AFF3: variants seen among roughly 807,000 people sequenced by gnomAD.
AFF3 encodes ALF transcription elongation factor 3, also known as AF4/FMR2 family member 3.
A neutral mutation model predicts 129.7 loss-of-function variants in AFF3; 32 were observed. The observed-to-expected ratio is 0.25, with a 90% confidence interval of 0.19 to 0.33. The LOEUF (loss-of-function observed/expected upper bound fraction) is 0.33. Among genes scored for constraint, AFF3 ranks in the 10% least tolerant of loss-of-function variants. The probability of loss-of-function intolerance (pLI) is 1.00; values close to 1 mark genes in which losing one functional copy is unlikely to be tolerated. For synonymous variants in AFF3, 644 were observed against 635.4 expected (o/e 1.01, Z -0.20); for missense variants, 1,373 against 1,592.0 (o/e 0.86, Z 2.34).
intron 4 of AFF3, among the ~76,000 whole-genome samples, chr2:100,047,023 T>C (rs1209578231): frequency 2.0e-5 from 3 of 151,954 alleles, no homozygotes; most frequent in East Asian, 1.9e-4. Flanking sequence ...AAAATACAGA[T>C]CTACACTTTC....
chr2:99,608,876 GA>G (rs1298212063), intron 13 of AFF3, among the ~76,000 whole-genome samples: 4 of 152,162 alleles, frequency 2.6e-5, no homozygotes, highest in African/African-American at 9.7e-5. Flanking sequence ...ATTTGGTAAA[GA>G]AAACACACGT....
At chr2:100,126,602 G>C (rs1692203187) in intron 2 of AFF3, among the ~76,000 whole-genome samples, 1 of 152,144 alleles carries the variant, frequency 6.6e-6, no homozygotes, top group African/African-American at 2.4e-5. Context: ...CTTACTCCCA[G>C]GATGTTGGTT....
chr2:99,968,174 G>C lies in AFF3; in HGVS notation c.873+38458C>G, dbSNP rs116757933. Among the ~76,000 whole-genome samples, 71 of 152,262 alleles carry C rather than the reference G, an allele frequency of 4.7e-4. 1 individual carries two copies. The highest frequency in any genetic ancestry group is 1.6e-3 in the African/African-American group (67 of 41,554). ...AGCTCCCCTCAGTAAGAATGAACTA[G>C]TCCCTCCTCTATGCCTACATGACCT... On this transcript the variant is annotated intron_variant, in intron 7 of 24. Transcript: ENST00000672756.
At chr2:99,641,663 G>A (rs1042477150) in intron 13 of AFF3, among the ~76,000 whole-genome samples, 4 of 152,180 alleles carry the variant, frequency 2.6e-5, no homozygotes, top group Non-Finnish European at 5.9e-5. Flanking sequence ...GGGCAACAGA[G>A]CAAGACTCTG....
intron 12 of AFF3, among the ~76,000 whole-genome samples, chr2:99,650,558 T>A (rs1685141191): frequency 1.3e-5 from 2 of 151,450 alleles, no homozygotes; most frequent in South Asian, 4.2e-4. Flanking sequence ...AAACTCCATC[T>A]CAAAAATAAA....
At chr2:99,646,117 C>T (rs1204341215) in intron 13 of AFF3, among the ~76,000 whole-genome samples, 3 of 152,198 alleles carry the variant, frequency 2.0e-5, no homozygotes, top group Non-Finnish European at 4.4e-5. Flanking sequence ...TGTCCTTCCA[C>T]CAACCCCAAG....
chr2:99,850,379 C>T (rs1177601854), intron 7 of AFF3, among the ~76,000 whole-genome samples: 2 of 152,130 alleles, frequency 1.3e-5, no homozygotes, highest in African/African-American at 4.8e-5. Context: ...GAAAGTGTCA[C>T]GGGAAGGAGA....
At chr2:99,859,854 G>C (rs551345568) in intron 7 of AFF3, among the ~76,000 whole-genome samples, 1 of 152,198 alleles carries the variant, frequency 6.6e-6, no homozygotes, top group East Asian at 1.9e-4. Flanking sequence ...TTAGGCCTGG[G>C]GGTGATCAGC....
intron 16 of AFF3, among the ~76,000 whole-genome samples, chr2:99,585,238 G>A (rs1168322861): frequency 6.6e-6 from 1 of 152,162 alleles, no homozygotes; most frequent in African/African-American, 2.4e-5. Flanking sequence ...ACAAAACTGT[G>A]ACATTAAATA....
At chr2:99,596,129 A>G (rs537185814) in intron 14 of AFF3, among the ~76,000 whole-genome samples, 119 of 152,362 alleles carry the variant, frequency 7.8e-4, no homozygotes, top group African/African-American at 2.7e-3. Context: ...ATGGCCACCA[A>G]CGGAACCGGG....
At chr2:99,716,070 C>T (rs1042031288) in intron 11 of AFF3, among the ~76,000 whole-genome samples, 5 of 152,166 alleles carry the variant, frequency 3.3e-5, no homozygotes, top group Non-Finnish European at 2.9e-5. Context: ...GTCTACAAGC[C>T]TGTGTAATTG....
chr2:99,551,474 C>T lies in AFF3; in HGVS notation c.3681G>A (p.Ter1227=), dbSNP rs1017819994. The stretch of plus-strand genomic sequence containing the variant: ...CCACTCTGGCCCCAGGGTGAGGTCC[C>T]TATGACAGGTGGGCGCTGTTCCGCA... ...HWLRNSAHLS[*] Residue 1227 remains the stop codon, a stop_retained_variant, in exon 25 of 25, where the codon TAG becomes TAA. Coordinates refer to ENST00000672756, the MANE Select transcript of AFF3 (RefSeq NM_001386135.1). 6.2e-7 allele frequency: 1 copy of T among 1,614,026 alleles called. No individual in the cohort carries two copies. Among genetic ancestry groups the T allele is most frequent in the Non-Finnish European group, 8.5e-7 (1 of 1,179,998 alleles).
intron 4 of AFF3, among the ~76,000 whole-genome samples, chr2:100,103,080 G>T (rs1437522324): frequency 1.3e-5 from 2 of 151,990 alleles, no homozygotes; most frequent in Non-Finnish European, 2.9e-5. Flanking sequence ...CTCATCATAG[G>T]ATCTTTTATA....
intron 7 of AFF3, among the ~76,000 whole-genome samples, chr2:99,887,696 T>A (rs567768373): frequency 2.2e-4 from 34 of 152,240 alleles, no homozygotes; most frequent in Non-Finnish European, 4.4e-4. Context: ...ATTATTGCTA[T>A]ACTTATCATT....
At chr2:99,940,551 C>T (rs1276215763) in intron 7 of AFF3, among the ~76,000 whole-genome samples, 1 of 152,184 alleles carries the variant, frequency 6.6e-6, no homozygotes, top group African/African-American at 2.4e-5. Context: ...TGCTGCACTC[C>T]CACCAGCACC....
chr2:99,601,714 G>T, intron 13 of AFF3, 93 bp from the exon 14 acceptor site: 1 of 1,431,294 alleles, frequency 7.0e-7, no homozygotes, highest in South Asian at 1.4e-5. Flanking sequence ...ACCCTAAAGA[G>T]GGAGGAGGCA....
At chr2:99,627,287 T>C (rs561472544) in intron 13 of AFF3, among the ~76,000 whole-genome samples, 3 of 152,328 alleles carry the variant, frequency 2.0e-5, no homozygotes, top group African/African-American at 7.2e-5. Context: ...TGTGAGATGG[T>C]ATCTCAGTGT....
chr2:99,780,337 CTT>C (rs1299598185), intron 8 of AFF3, among the ~76,000 whole-genome samples: 1 of 152,224 alleles, frequency 6.6e-6, no homozygotes, highest in Non-Finnish European at 1.5e-5. Flanking sequence ...AGATGGATCA[CTT>C]TCCTCCTGGC....
chr2:99,726,001 A>G (rs559638830), intron 11 of AFF3, among the ~76,000 whole-genome samples: 64 of 152,336 alleles, frequency 4.2e-4, no homozygotes, highest in African/African-American at 1.5e-3. Context: ...AGATGGCATT[A>G]AAAGCCTTTC....
Sources: gnomAD v4.1 joint callset for allele counts (sites outside exome capture counted in the v4.1 genomes callset) on GRCh38, gnomAD v4.1.1 for gene constraint, MANE v1.5 for transcripts, NCBI Gene and HGNC (gene_info 2026-07-23, HGNC 2026-07-21) for gene names.